The following PLCL1 variants were observed in gnomAD, a reference collection of about 807,000 sequenced individuals.
The protein encoded by PLCL1 is phospholipase C like 1 (inactive), also known as inactive phospholipase C-like protein 1.
A neutral mutation model predicts 84.4 loss-of-function variants in PLCL1; 41 were observed. The ratio of observed to expected loss-of-function variants is 0.49; its 90% CI spans 0.38 to 0.63. PLCL1 has a LOEUF of 0.63. Ranked by LOEUF, PLCL1 falls within the 30% of genes least tolerant of loss-of-function variation. The pLI is 0.00. For synonymous variants in PLCL1, 490 were observed against 488.3 expected (o/e 1.00, Z -0.05); for missense variants, 1,206 against 1,367.8 (o/e 0.88, Z 1.87).
intron 1 of PLCL1, among the ~76,000 whole-genome samples, chr2:197,916,855 G>T (rs937169547): frequency 2.0e-5 from 3 of 152,174 alleles, no homozygotes; most frequent in Non-Finnish European, 4.4e-5. Context: ...CATATGGAAA[G>T]ATGTCATTTT....
chr2:197,998,175 ATGTGTGTGTGTGTG>A lies in PLCL1; in HGVS notation c.241-85554_241-85541del, dbSNP rs58332002. ...GAGTTTCCTTGAGAAGAATGGAGCT[ATGTGTGTGTGTGTG>A]TGTGTGTGTGTGTGTGTGTGTGTGT... On this transcript the variant is annotated intron_variant, in intron 1 of 5. Coordinates refer to ENST00000428675, the MANE Select transcript of PLCL1 (RefSeq NM_006226.4). 2.3e-4 allele frequency among the ~76,000 whole-genome samples: 30 copies of A among 131,970 alleles called. 1 individual carries two copies. The highest frequency in any genetic ancestry group is 6.1e-4 in the African/African-American group (22 of 35,852). The allele number at this position is 131,970 out of a possible 152,430, so 86.6% of individuals were successfully genotyped here.
At chr2:198,127,572 T>A (rs929988670) in intron 5 of PLCL1, among the ~76,000 whole-genome samples, 2 of 152,176 alleles carry the variant, frequency 1.3e-5, no homozygotes, top group African/African-American at 2.4e-5. Flanking sequence ...AGAAAGATAG[T>A]TTCCATCTGA....
At chr2:198,038,800 A>AGAACAAAAAGG (rs1039959825) in intron 1 of PLCL1, among the ~76,000 whole-genome samples, 8 of 151,740 alleles carry the variant, frequency 5.3e-5, no homozygotes, top group Non-Finnish European at 1.0e-4. Flanking sequence ...ATATACAAAC[A>AGAACAAAAAGG]GAACAAAAAG....
chr2:197,926,081 A>G (rs1688824452), intron 1 of PLCL1, among the ~76,000 whole-genome samples: 1 of 152,190 alleles, frequency 6.6e-6, no homozygotes, highest in South Asian at 2.1e-4. Flanking sequence ...GCTGCTCTGC[A>G]ACATGTGTAA....
intron 1 of PLCL1, among the ~76,000 whole-genome samples, chr2:197,947,470 G>C (rs1689304459): frequency 6.6e-6 from 1 of 152,052 alleles, no homozygotes; most frequent in Non-Finnish European, 1.5e-5. Context: ...GAGCTGGGCA[G>C]AGGGTGATCC....
chr2:198,092,260 C>T (rs1279768367), intron 3 of PLCL1, among the ~76,000 whole-genome samples: 5 of 151,624 alleles, frequency 3.3e-5, no homozygotes, highest in African/African-American at 1.2e-4. Flanking sequence ...TCCAGCTTCA[C>T]CTGCCTTCCC....
rs531662745 is a variant in PLCL1, at chr2:197,953,303, G to A, written c.241-130455G>A. Among the ~76,000 whole-genome samples the A allele has an allele frequency of 1.0e-3, 157 of 152,096 alleles. 2 individuals carry two copies. The highest frequency in any genetic ancestry group is 3.7e-3 in the African/African-American group (154 of 41,494). ...TACCAGTGCTGCTTCCTTCAAACTG[G>A]ACTCCTTGCCTATATGAGTTACCTT... On this transcript the variant is annotated intron_variant, in intron 1 of 5. Coordinates refer to ENST00000428675, the MANE Select transcript of PLCL1 (RefSeq NM_006226.4).
chr2:197,879,320 T>C (rs1687788593), intron 1 of PLCL1, among the ~76,000 whole-genome samples: 1 of 152,188 alleles, frequency 6.6e-6, no homozygotes, highest in Admixed American at 6.6e-5. Context: ...TAATTTGGGC[T>C]TGAAGTTGGC....
At chr2:197,877,678 A>G (rs1687760867) in intron 1 of PLCL1, among the ~76,000 whole-genome samples, 1 of 152,198 alleles carries the variant, frequency 6.6e-6, no homozygotes, top group South Asian at 2.1e-4. Flanking sequence ...AATATAAACA[A>G]TTGCTTAAAT....
intron 1 of PLCL1, among the ~76,000 whole-genome samples, chr2:197,866,988 G>T (rs1238017859): frequency 6.6e-6 from 1 of 152,116 alleles, no homozygotes; most frequent in African/African-American, 2.4e-5. Flanking sequence ...GATCAATGAC[G>T]CACACTAATG....
intron 4 of PLCL1, among the ~76,000 whole-genome samples, chr2:198,101,740 A>G (rs1693342992): frequency 6.6e-6 from 1 of 152,090 alleles, no homozygotes; most frequent in Non-Finnish European, 1.5e-5. Context: ...AATCCTATTA[A>G]TCTTCCAGGC....
intron 1 of PLCL1, among the ~76,000 whole-genome samples, chr2:197,876,830 T>G (rs935527014): frequency 6.6e-6 from 1 of 152,174 alleles, no homozygotes; most frequent in East Asian, 1.9e-4. Flanking sequence ...TCAACTGAGC[T>G]GCATACAGCC....
intron 1 of PLCL1, among the ~76,000 whole-genome samples, chr2:197,947,237 A>ATATATATATATATATATATATATAT (rs1689294732): frequency 1.4e-5 from 2 of 142,750 alleles, no homozygotes; most frequent in Admixed American, 7.0e-5. Flanking sequence ...TGCTTAGATA[A>ATATATATATATATATATATATATAT]ATATATATAT....
chr2:198,118,432 C>T (rs1693795710), intron 5 of PLCL1, among the ~76,000 whole-genome samples: 2 of 151,882 alleles, frequency 1.3e-5, no homozygotes. Flanking sequence ...ACTGTCCTTC[C>T]TCTTTAAATA....
At chr2:197,988,965 T>A (rs1206804766) in intron 1 of PLCL1, among the ~76,000 whole-genome samples, 1 of 152,206 alleles carries the variant, frequency 6.6e-6, no homozygotes, top group Non-Finnish European at 1.5e-5. Flanking sequence ...TTTTGTGAAG[T>A]GTAATTTCTA....
intron 1 of PLCL1, among the ~76,000 whole-genome samples, chr2:198,031,103 A>G (rs1235435549): frequency 6.6e-6 from 1 of 151,428 alleles, no homozygotes; most frequent in Non-Finnish European, 1.5e-5. Flanking sequence ...AGGCATAGTG[A>G]TTTACACCTG....
chr2:197,899,248 G>A (rs1025375885), intron 1 of PLCL1, among the ~76,000 whole-genome samples: 5 of 151,904 alleles, frequency 3.3e-5, no homozygotes, highest in African/African-American at 1.2e-4. Context: ...CATATATTTA[G>A]GTTGTCATTT....
At chr2:198,098,392 T>C (rs1430240231) in intron 3 of PLCL1, among the ~76,000 whole-genome samples, 1 of 152,226 alleles carries the variant, frequency 6.6e-6, no homozygotes, top group Admixed American at 6.5e-5. Context: ...TGGCAAAATT[T>C]ATTTTCATGA....
intron 1 of PLCL1, among the ~76,000 whole-genome samples, chr2:198,042,233 A>T (rs1193900875): frequency 4.6e-5 from 7 of 152,196 alleles, no homozygotes; most frequent in Non-Finnish European, 8.8e-5. Context: ...AAAGGCAAAG[A>T]GTTATTGTTT....
Sources: gnomAD v4.1 joint callset for allele counts (sites outside exome capture counted in the v4.1 genomes callset) on GRCh38, gnomAD v4.1.1 for gene constraint, MANE v1.5 for transcripts, NCBI Gene and HGNC (gene_info 2026-07-23, HGNC 2026-07-21) for gene names.